The following ARHGAP31 variants were observed in gnomAD, a reference collection of about 807,000 sequenced individuals.
ARHGAP31 encodes the protein rho GTPase-activating protein 31.
ARHGAP31 carries 34 observed loss-of-function variants against 113.9 expected under a neutral mutation model. The ratio of observed to expected loss-of-function variants is 0.30; its 90% CI spans 0.23 to 0.40. The LOEUF (loss-of-function observed/expected upper bound fraction) is 0.40, where lower values mean the gene tolerates loss of function less well. Ranked by LOEUF, ARHGAP31 falls within the 10% of genes least tolerant of loss-of-function variation. ARHGAP31 has a pLI of 1.00. For missense variants in ARHGAP31, 1,548 were observed against 1,767.1 expected (o/e 0.88, Z 2.22); for synonymous variants, 650 against 684.8 (o/e 0.95, Z 0.79).
intron 1 of ARHGAP31, among the ~76,000 whole-genome samples, chr3:119,337,053 T>C (rs1268271207): frequency 1.3e-5 from 2 of 152,246 alleles, no homozygotes; most frequent in African/African-American, 2.4e-5. Context: ...CATTCATCAG[T>C]TGATGGACAT....
Position 119,415,160 on chromosome 3 carries a change from C to T in ARHGAP31, c.3231C>T (p.Asp1077=), listed in dbSNP as rs748397082. 1.2e-6 allele frequency: 2 copies of T among 1,614,238 alleles called. No homozygotes were observed. The highest frequency in any genetic ancestry group is 8.5e-7 in the Non-Finnish European group (1 of 1,180,052). ...SSKESSPSVQ[D]STSPGEHPAK... ...AGGAGAGTTCACCCAGCGTGCAGGA[C>T]AGCACTTCGCCTGGAGAGCACCCCG... Residue 1077 remains aspartate, a synonymous_variant, in exon 12 of 12, where the codon GAC becomes GAT. Coordinates refer to ENST00000264245, the MANE Select transcript of ARHGAP31 (RefSeq NM_020754.4).
At chr3:119,314,217 C>T (rs749402165) in intron 1 of ARHGAP31, 4 of 152,242 alleles carry the variant, frequency 2.6e-5, no homozygotes, top group Non-Finnish European at 5.9e-5. Context: ...TCTTTTTAGC[C>T]TCACTTTGGG....
rs1018033541 is a variant in ARHGAP31, at chr3:119,417,748, T to G, written c.*1484T>G. ...TTTATAACTTTCAATGGTTCTTTCC[T>G]TTCCAGCTGGCGAGAGAAAGGAGAA... is the stretch of plus-strand genomic sequence containing the variant. On this transcript the variant is annotated 3_prime_UTR_variant, in exon 12 of 12. Transcript: ENST00000264245. The G allele has an allele frequency of 1.3e-5, 2 of 152,142 alleles. No homozygotes were observed. The highest frequency in any genetic ancestry group is 2.9e-5 in the Non-Finnish European group (2 of 68,040). The allele number at this position is 152,142 out of a possible 1,614,324, so 9.4% of individuals were successfully genotyped here. A position where few individuals can be genotyped will look rare whatever the true frequency, so the allele number is the denominator to read the frequency against.
chr3:119,366,753 T>C (rs1035570339), intron 2 of ARHGAP31, among the ~76,000 whole-genome samples: 1 of 151,044 alleles, frequency 6.6e-6, no homozygotes, highest in East Asian at 1.9e-4. Context: ...AAAAACATTC[T>C]CTTTTTAAAA....
Position 119,339,513 on chromosome 3 carries a change from A to G in ARHGAP31, c.101-25803A>G, listed in dbSNP as rs1015290491. Among the ~76,000 whole-genome samples the G allele has an allele frequency of 4.6e-5, 7 of 152,186 alleles. No individual in the cohort carries two copies. The East Asian group carries it at 1.3e-3, about 29-fold the overall frequency. The stretch of plus-strand genomic sequence containing the variant: ...TACCCAGTATTGAGGCCTAGTATAT[A>G]GCTACAGTACAAAGGTGGTGTCCTA... On this transcript the variant is annotated intron_variant, in intron 1 of 11. Coordinates refer to ENST00000264245, the MANE Select transcript of ARHGAP31 (RefSeq NM_020754.4).
Position 119,359,066 on chromosome 3 carries a change from A to G in ARHGAP31, c.101-6250A>G, listed in dbSNP as rs567007773. Among the ~76,000 whole-genome samples the G allele has an allele frequency of 7.3e-4, 110 of 149,810 alleles. 1 individual carries two copies. The highest frequency in any genetic ancestry group is 1.5e-3 in the South Asian group (7 of 4,748). On this transcript the variant is annotated intron_variant, in intron 1 of 11. Transcript: ENST00000264245. ...TCTCACTCACTCTGTCACCCAGGCT[A>G]GAGTGCAATGGTTTGATCTCAGCTC...
chr3:119,396,559 G>A (rs2107638030), intron 8 of ARHGAP31, among the ~76,000 whole-genome samples: 1 of 152,324 alleles, frequency 6.6e-6, no homozygotes, highest in South Asian at 2.1e-4. Flanking sequence ...AACTTTAGTG[G>A]AATCTGTGAT....
chr3:119,310,489 G>A (rs2079669914), intron 1 of ARHGAP31, among the ~76,000 whole-genome samples: 1 of 152,226 alleles, frequency 6.6e-6, no homozygotes, highest in African/African-American at 2.4e-5. Flanking sequence ...CACAGCAGGA[G>A]GTGAGGGCAG....
At chr3:119,334,535 C>A (rs1229708086) in intron 1 of ARHGAP31, among the ~76,000 whole-genome samples, 1 of 152,204 alleles carries the variant, frequency 6.6e-6, no homozygotes, top group Admixed American at 6.5e-5. Context: ...GGCCCATCTT[C>A]AGGTAGGGTG....
At chr3:119,332,631 TCTCTCACACACA>T (rs1435447649) in intron 1 of ARHGAP31, among the ~76,000 whole-genome samples, 315 of 115,290 alleles carry the variant, frequency 2.7e-3, no homozygotes, top group Non-Finnish European at 3.6e-3. Flanking sequence ...TCTCTCTCTC[TCTCTCACACACA>T]CACACACACA....
In ARHGAP31 at chr3:119,380,989, A is replaced by G; in HGVS notation, c.431+3A>G. On this transcript the variant is annotated splice_donor_region_variant and intron_variant, in intron 4 of 11. Coordinates refer to ENST00000264245, the MANE Select transcript of ARHGAP31 (RefSeq NM_020754.4). The stretch of plus-strand genomic sequence containing the variant: ...GAGCTTCCTCCATCCCACTATAGGT[A>G]AGAATGGTTGGGAAAAGAAACGTGT... 2 of 1,613,774 alleles carry G rather than the reference A, an allele frequency of 1.2e-6. No homozygotes were observed. The highest frequency in any genetic ancestry group is 1.7e-6 in the Non-Finnish European group (2 of 1,179,664).
At chr3:119,366,790 T>C (rs115879886) in intron 2 of ARHGAP31, among the ~76,000 whole-genome samples, 3,409 of 151,288 alleles carry the variant, frequency 0.023, 133 homozygotes, top group African/African-American at 0.079. Flanking sequence ...GAACATAGCA[T>C]GGCATAGTTC....
Position 119,418,646 on chromosome 3 carries a change from C to A in ARHGAP31, c.*2382C>A, listed in dbSNP as rs1236372610. Reference sequence around the variant, plus strand: ...CCACCATTTACATATTAACAAGTGACTTCAGTTCTAAGGGTTGAGATGCCT... The same window carrying A: ...CCACCATTTACATATTAACAAGTGAATTCAGTTCTAAGGGTTGAGATGCCT... On this transcript the variant is annotated 3_prime_UTR_variant, in exon 12 of 12. Transcript: ENST00000264245. 1 of 152,194 alleles carries A rather than the reference C, an allele frequency of 6.6e-6. No individual in the cohort carries two copies. The allele number at this position is 152,194 out of a possible 1,614,324, so 9.4% of individuals were successfully genotyped here.
chr3:119,336,076 G>A (rs1183556450), intron 1 of ARHGAP31, among the ~76,000 whole-genome samples: 1 of 152,176 alleles, frequency 6.6e-6, no homozygotes, highest in Middle Eastern at 3.2e-3. Flanking sequence ...TCTGGAGGAT[G>A]AGGCAGGAGA....
intron 4 of ARHGAP31, among the ~76,000 whole-genome samples, chr3:119,381,908 C>G (rs922792107): frequency 1.3e-4 from 20 of 151,426 alleles, no homozygotes; most frequent in African/African-American, 4.9e-4. Context: ...ATGGCGTGAA[C>G]CCGGGAGGCG....
intron 7 of ARHGAP31, among the ~76,000 whole-genome samples, chr3:119,393,156 T>C (rs2080519916): frequency 1.3e-5 from 2 of 152,236 alleles, no homozygotes; most frequent in Non-Finnish European, 1.5e-5. Context: ...GAATTGTGTG[T>C]TTGCTTGTGA....
At chr3:119,383,742 G>A (rs1237498210) in intron 6 of ARHGAP31, among the ~76,000 whole-genome samples, 2 of 152,124 alleles carry the variant, frequency 1.3e-5, no homozygotes, top group African/African-American at 4.8e-5. Flanking sequence ...TTTGTTCTGC[G>A]CTATGCCAGG....
intron 1 of ARHGAP31, among the ~76,000 whole-genome samples, chr3:119,323,041 A>T (rs2079806858): frequency 6.6e-6 from 1 of 152,178 alleles, no homozygotes; most frequent in Non-Finnish European, 1.5e-5. Flanking sequence ...CGTCAAGGCC[A>T]CGTTCCCTCC....
chr3:119,331,666 A>G (rs2079892470), intron 1 of ARHGAP31, among the ~76,000 whole-genome samples: 1 of 152,246 alleles, frequency 6.6e-6, no homozygotes, highest in African/African-American at 2.4e-5. Flanking sequence ...TCTGGCTTTT[A>G]ATGTATTCAG....
Sources: allele counts gnomAD v4.1 joint callset (sites outside exome capture counted in the v4.1 genomes callset), GRCh38; gene constraint gnomAD v4.1.1; transcripts MANE v1.5; gene names NCBI Gene and HGNC (gene_info 2026-07-23, HGNC 2026-07-21).